PPARGC1A: variants seen among roughly 807,000 people sequenced by gnomAD.
PPARGC1A encodes peroxisome proliferator-activated receptor gamma coactivator 1-alpha.
PPARGC1A carries 25 observed loss-of-function variants against 88.7 expected under a neutral mutation model. The observed-to-expected ratio is 0.28, with a 90% CI of 0.21 to 0.39. The LOEUF is 0.39. Among genes scored for constraint, PPARGC1A ranks in the 10% least tolerant of loss-of-function variants. The pLI is 1.00. For missense variants in PPARGC1A, 880 were observed against 968.7 expected (o/e 0.91, Z 1.22); for synonymous variants, 363 against 355.6 (o/e 1.02, Z -0.24).
the PPARGC1A span, among the ~76,000 whole-genome samples, chr4:24,391,135 C>G: frequency 6.6e-6 from 1 of 151,988 alleles, no homozygotes; most frequent in African/African-American, 2.4e-5. Flanking sequence ...AAAATATGTT[C>G]CTGGGTGAAT....
chr4:24,449,369 T>G, the PPARGC1A span, among the ~76,000 whole-genome samples: 2 of 152,264 alleles, frequency 1.3e-5, no homozygotes, highest in Non-Finnish European at 2.9e-5. Flanking sequence ...AGGAAACTGT[T>G]GGTCCTATAA....
At chr4:23,953,651 T>C in the PPARGC1A span, among the ~76,000 whole-genome samples, 1 of 152,114 alleles carries the variant, frequency 6.6e-6, no homozygotes, top group African/African-American at 2.4e-5. Flanking sequence ...CCTGCAACAG[T>C]GCATTGCATG....
Position 23,884,946 on chromosome 4 carries a change from A to G in PPARGC1A, c.55-15T>C, listed in dbSNP as rs1029869715. 4 of 1,535,980 alleles carry G rather than the reference A, an allele frequency of 2.6e-6. No individual in the cohort carries two copies. In the African/African-American group the frequency reaches 4.2e-5, roughly 16 times the overall value. On this transcript the variant is annotated splice_polypyrimidine_tract_variant and intron_variant, in intron 1 of 12. Transcript: ENST00000264867. ...AGAGCAGCACACTGCAGGAGGCAGA[A>G]AAAAAAAATTTAAAAAAGCTTCCAT...
chr4:23,900,885 CA>C (rs2148879908), upstream of PPARGC1A, among the ~76,000 whole-genome samples: 1 of 152,316 alleles, frequency 6.6e-6, no homozygotes, highest in Admixed American at 6.5e-5. Context: ...AGGCTGGCCA[CA>C]AAGTTATTTG....
At chr4:24,290,564 C>T in the PPARGC1A span, among the ~76,000 whole-genome samples, 3 of 152,118 alleles carry the variant, frequency 2.0e-5, no homozygotes, top group Admixed American at 1.3e-4. Flanking sequence ...GAACACGGTG[C>T]CATCCCAAAG....
At chr4:24,387,818 A>AAAGAGAGAAAGAG in the PPARGC1A span, among the ~76,000 whole-genome samples, 2 of 81,098 alleles carry the variant, frequency 2.5e-5, no homozygotes, top group African/African-American at 9.6e-5. Flanking sequence ...GAAAGAAAGA[A>AAAGAGAGAAAGAG]AGAAAGAGAG....
the PPARGC1A span, among the ~76,000 whole-genome samples, chr4:24,421,502 G>A: frequency 1.3e-5 from 2 of 151,964 alleles, no homozygotes; most frequent in Non-Finnish European, 1.5e-5. Context: ...TAGTAGAGAC[G>A]GGGTTTCACC....
At chr4:24,432,009 T>G in the PPARGC1A span, among the ~76,000 whole-genome samples, 1 of 152,194 alleles carries the variant, frequency 6.6e-6, no homozygotes, top group Non-Finnish European at 1.5e-5. Context: ...TAAATGGTTA[T>G]GGCTTCAGGG....
At chr4:24,300,323 C>CTTTTTTTTTTTTTT in the PPARGC1A span, among the ~76,000 whole-genome samples, 2 of 40,912 alleles carry the variant, frequency 4.9e-5, 1 homozygote, top group East Asian at 1.5e-3. Context: ...TATACAATAG[C>CTTTTTTTTTTTTTT]ATTTTTTTTT....
chr4:24,371,095 C>T, the PPARGC1A span, among the ~76,000 whole-genome samples: 1 of 152,026 alleles, frequency 6.6e-6, no homozygotes, highest in Non-Finnish European at 1.5e-5. Flanking sequence ...CTATGTCCCC[C>T]ACAAAGGACA....
At chr4:23,916,238 C>A in the PPARGC1A span, among the ~76,000 whole-genome samples, 187 of 152,254 alleles carry the variant, frequency 1.2e-3, 5 homozygotes, top group Admixed American at 0.012. Flanking sequence ...ATAATAACTA[C>A]CTTTGGCATA....
chr4:24,335,815 A>G, the PPARGC1A span, among the ~76,000 whole-genome samples: 3 of 152,288 alleles, frequency 2.0e-5, no homozygotes, highest in Middle Eastern at 3.4e-3. Flanking sequence ...TCCAATTTGA[A>G]TTGCAAATGC....
At chr4:24,094,741 T>C in the PPARGC1A span, among the ~76,000 whole-genome samples, 2 of 152,172 alleles carry the variant, frequency 1.3e-5, no homozygotes, top group Non-Finnish European at 2.9e-5. Flanking sequence ...AGAACATACA[T>C]TAATACAGGA....
At chr4:24,208,682 A>AAAAATATATATAT in the PPARGC1A span, among the ~76,000 whole-genome samples, 1 of 135,000 alleles carries the variant, frequency 7.4e-6, no homozygotes, top group African/African-American at 2.7e-5. Context: ...TCAGAAAAAA[A>AAAAATATATATAT]ATATATATAT....
chr4:23,948,153 T>C, the PPARGC1A span, among the ~76,000 whole-genome samples: 1 of 152,318 alleles, frequency 6.6e-6, no homozygotes, highest in Non-Finnish European at 1.5e-5. Context: ...TTCATTCATC[T>C]ATTCAACAAA....
At chr4:24,317,472 T>C in the PPARGC1A span, among the ~76,000 whole-genome samples, 1 of 145,092 alleles carries the variant, frequency 6.9e-6, no homozygotes, top group Admixed American at 7.3e-5. Flanking sequence ...CTTTAGGGAC[T>C]GAGCGGGGAT....
At position 23,795,053 on chromosome 4, in the gene PPARGC1A, A is replaced by AGAGAGAG. The variant is rs1553871585; in HGVS notation, c.*768_*769insCTCTCTC. The AGAGAGAG allele has an allele frequency of 6.9e-6, 1 of 145,292 alleles. No individual in the cohort carries two copies. Among genetic ancestry groups the AGAGAGAG allele is most frequent in the African/African-American group, 2.6e-5 (1 of 39,184 alleles). 9.0% of individuals were successfully genotyped at this position (145,292 alleles called of 1,614,324 possible). ...ATGGCAAAAGGAAAAAGAAAAAAAA[A>AGAGAGAG]AGAGAGAGAGAGAGAGAGAGAGAGA... On this transcript the variant is annotated 3_prime_UTR_variant, in exon 13 of 13. Transcript: ENST00000264867.
the PPARGC1A span, among the ~76,000 whole-genome samples, chr4:24,212,252 A>G: frequency 3.3e-5 from 5 of 152,340 alleles, no homozygotes; most frequent in African/African-American, 1.2e-4. Flanking sequence ...TGCAGCTTTG[A>G]TATCTGCACA....
intron 1 of PPARGC1A, among the ~76,000 whole-genome samples, chr4:23,886,918 A>G (rs948601622): frequency 4.6e-5 from 7 of 152,126 alleles, no homozygotes; most frequent in Admixed American, 3.3e-4. Context: ...AATAATCAAG[A>G]AAATGTAGGC....
Sources: allele counts gnomAD v4.1 joint callset (sites outside exome capture counted in the v4.1 genomes callset), GRCh38; gene constraint gnomAD v4.1.1; transcripts MANE v1.5; gene names NCBI Gene and HGNC (gene_info 2026-07-23, HGNC 2026-07-21).